Variants in MEG3 observed in about 807,000 individuals in gnomAD.
MEG3 encodes the protein Very putative protein from MEG3 locus.
At chr14:100,846,176 T>C (rs1448934249) in intron 3 of MEG3, 1 of 152,250 alleles carries the variant, frequency 6.6e-6, no homozygotes, top group African/African-American at 2.4e-5. Flanking sequence ...AAGCCACCTA[T>C]TTAAAAATGA....
At chr14:100,839,893 G>A (rs773419260) in intron 2 of MEG3, among the ~76,000 whole-genome samples, 16 of 152,198 alleles carry the variant, frequency 1.1e-4, no homozygotes, top group Non-Finnish European at 2.2e-4. Flanking sequence ...GGCCTTCTGG[G>A]TTTGAGTCAG....
In MEG3 at chr14:100,845,367, G is replaced by GC; in HGVS notation, n.3046-85dup. ...TCTCTGCTCCAGGCCACCCCTGCCC[G>GC]CCCCCCAGAGCTGTTGTCCTCATCC... On this transcript the variant is annotated intron_variant and non_coding_transcript_variant, in intron 2 of 3. Coordinates refer to the MEG3 transcript ENST00000398461. The surrounding 1 kb of genome is among the most constrained non-coding windows in gnomAD (Gnocchi z 5.2). 1 of 362,806 alleles carries GC rather than the reference G, an allele frequency of 2.8e-6. No individual in the cohort carries two copies. The highest frequency in any genetic ancestry group is 2.0e-5 in the South Asian group (1 of 50,824). The allele number at this position is 362,806 out of a possible 1,614,324, so 22.5% of individuals were successfully genotyped here. A position where few individuals can be genotyped will look rare whatever the true frequency, so the allele number is the denominator to read the frequency against.
upstream of MEG3, chr14:100,854,957 G>A (rs2038193282): frequency 6.6e-6 from 1 of 152,646 alleles, no homozygotes; most frequent in African/African-American, 2.4e-5. Context: ...ACATTCTAAG[G>A]AGCGGAATAA....
chr14:100,838,490 C>G (rs2037655794), intron 2 of MEG3, among the ~76,000 whole-genome samples: 1 of 152,214 alleles, frequency 6.6e-6, no homozygotes, highest in East Asian at 1.9e-4. Context: ...CGAAAGGCCA[C>G]TAGTAAGTGC....
exon 1 of MEG3, chr14:100,834,633 T>C (rs1049933262): frequency 1.3e-5 from 6 of 455,046 alleles, no homozygotes; most frequent in Non-Finnish European, 2.7e-5. Flanking sequence ...CCTCCCCAGT[T>C]CCTGACCTGG....
upstream of MEG3, chr14:100,855,389 C>T (rs4906024): frequency 0.14 from 20,686 of 152,224 alleles, 1,825 homozygotes; most frequent in East Asian, 0.41. Flanking sequence ...GCCCTGAGCA[C>T]GTCCCAGCTG....
rs2037616530 is a variant in MEG3 at position 100,837,368 on chromosome 14, C to T, written n.3045+1068C>T. ...TCCTGGCACCCCTCATATATGACGC[C>T]CCTGGGGTGGCCATTGTGGTGAATG... On this transcript the variant is annotated intron_variant and non_coding_transcript_variant, in intron 2 of 3. Coordinates refer to the MEG3 transcript ENST00000398461. The surrounding 1 kb of genome is among the most constrained non-coding windows in gnomAD (Gnocchi z 5.8). 6.6e-6 allele frequency among the ~76,000 whole-genome samples: 1 copy of T among 152,154 alleles called. No homozygotes were observed. Among genetic ancestry groups the T allele is most frequent in the African/African-American group, 2.4e-5 (1 of 41,422 alleles).
At position 100,845,079 on chromosome 14, in the gene MEG3, G is replaced by C. The variant is rs928786988; in HGVS notation, n.3046-379G>C. Among the ~76,000 whole-genome samples, 3 of 152,150 alleles carry C rather than the reference G, an allele frequency of 2.0e-5. No homozygotes were observed. Among genetic ancestry groups the C allele is most frequent in the Admixed American group, 2.0e-4 (3 of 15,280 alleles). ...TCCTCCAGGGCCAGCCATCCTGCTC[G>C]CCGACCTGGGCACCTTGCTTCTGCC... On this transcript the variant is annotated intron_variant and non_coding_transcript_variant, in intron 2 of 3. Transcript: ENST00000398461. The surrounding 1 kb of genome is among the most constrained non-coding windows in gnomAD (Gnocchi z 5.2).
At chr14:100,852,546 TGCA>T, upstream of MEG3, 1 of 425,210 alleles carries the variant, frequency 2.4e-6, no homozygotes. Flanking sequence ...GGTCTGGGGG[TGCA>T]CTTATTATCC....
intron 2 of MEG3, among the ~76,000 whole-genome samples, chr14:100,842,556 G>A (rs1174842874): frequency 2.6e-5 from 4 of 152,192 alleles, no homozygotes; most frequent in South Asian, 2.1e-4. Context: ...TTGTAAGGGG[G>A]TGGTGTTTAC....
intron 2 of MEG3, among the ~76,000 whole-genome samples, chr14:100,843,135 C>T (rs555591120): frequency 6.8e-4 from 104 of 152,294 alleles, no homozygotes; most frequent in Admixed American, 1.7e-3. Flanking sequence ...TAATTAAGGA[C>T]GGTCAGGGAC....
chr14:100,852,749 T>G, upstream of MEG3: 1 of 229,064 alleles, frequency 4.4e-6, no homozygotes, highest in South Asian at 5.1e-5. Context: ...GGAGGGCCCA[T>G]TGCATGCACC....
chr14:100,849,873 T>C (rs1476102650), intron 3 of MEG3: 1 of 152,198 alleles, frequency 6.6e-6, no homozygotes, highest in Non-Finnish European at 1.5e-5. Flanking sequence ...GGATTATAAT[T>C]AGTTTACATA....
At chr14:100,834,661 T>G in exon 1 of MEG3, 1 of 456,252 alleles carries the variant, frequency 2.2e-6, no homozygotes, top group Non-Finnish European at 4.4e-6. Context: ...GGGGTGCCCT[T>G]GACCAGCCCC....
chr14:100,856,389 A>C (rs1045539795), upstream of MEG3: 8 of 152,696 alleles, frequency 5.2e-5, no homozygotes, highest in Non-Finnish European at 1.5e-5. Context: ...GGCAAAGCCA[A>C]GACCCTGGAA....
At chr14:100,836,552 G>A (rs2037587966) in intron 2 of MEG3, among the ~76,000 whole-genome samples, 1 of 152,030 alleles carries the variant, frequency 6.6e-6, no homozygotes, top group Non-Finnish European at 1.5e-5. Context: ...CGGTAGGTGG[G>A]GAGTGTCCAC....
At chr14:100,857,140 C>G (rs1468505821), upstream of MEG3, 1 of 152,184 alleles carries the variant, frequency 6.6e-6, no homozygotes, top group Non-Finnish European at 1.5e-5. Context: ...TAACAACCAC[C>G]ATATTGTATC....
chr14:100,857,203 A>G (rs1234863166), upstream of MEG3: 1 of 152,192 alleles, frequency 6.6e-6, no homozygotes, highest in Non-Finnish European at 1.5e-5. Flanking sequence ...TTTCGGCGTC[A>G]TGTTGATGGA....
At chr14:100,844,576 C>T (rs1300993411) in intron 2 of MEG3, among the ~76,000 whole-genome samples, 2 of 152,160 alleles carry the variant, frequency 1.3e-5, no homozygotes, top group Admixed American at 6.5e-5. Context: ...CACACGTTGC[C>T]TCCGTGTGGT....
Sources: gnomAD v4.1 joint callset for allele counts (sites outside exome capture counted in the v4.1 genomes callset) on GRCh38, gnomAD v4.1.1 for gene constraint, Gnocchi (gnomAD v3.1) non-coding constraint, MANE v1.5 for transcripts, NCBI Gene and HGNC (gene_info 2026-07-23, HGNC 2026-07-21) for gene names.